Variants in CEACAM6 observed in about 807,000 individuals in gnomAD.
CEACAM6 encodes cell adhesion molecule CEACAM6.
In CEACAM6, 21 loss-of-function variants were observed where a neutral mutation model predicts 32.4. The ratio of observed to expected loss-of-function variants is 0.65; its 90% confidence interval spans 0.46 to 0.93. The LOEUF is 0.93. CEACAM6 is among the 40% of genes least tolerant of loss of function. The pLI, the probability that CEACAM6 is intolerant of heterozygous loss-of-function variation, is 0.00. For missense variants in CEACAM6, 406 were observed against 432.2 expected (o/e 0.94, Z 0.54); for synonymous variants, 184 against 174.4 (o/e 1.06, Z -0.43).
intron 4 of CEACAM6, among the ~76,000 whole-genome samples, chr19:41,763,835 G>T (rs1228541345): frequency 6.6e-6 from 1 of 152,206 alleles, no homozygotes; most frequent in Admixed American, 6.5e-5. Context: ...CTCCAACCCT[G>T]TAGAGTTTTC....
At chr19:41,761,114 GAC>G (rs1266518437) in intron 2 of CEACAM6, 133 bp from the exon 3 acceptor site, 8 of 1,519,066 alleles carry the variant, frequency 5.3e-6, no homozygotes, top group Admixed American at 3.9e-5. Context: ...TCTGTTGTGT[GAC>G]ACACACACCT....
At chr19:41,760,857 AG>A (rs35583854) in intron 2 of CEACAM6, among the ~76,000 whole-genome samples, 1 of 152,120 alleles carries the variant, frequency 6.6e-6, no homozygotes, top group South Asian at 2.1e-4. Flanking sequence ...AAATACAGCT[AG>A]GGGGGCAAAG....
chr19:41,761,184 G>A, intron 2 of CEACAM6, 65 bp from the exon 3 acceptor site: 1 of 1,609,332 alleles, frequency 6.2e-7, no homozygotes, highest in Non-Finnish European at 8.5e-7. Flanking sequence ...AACTCTGATT[G>A]AAAGATGCCT....
intron 3 of CEACAM6, 126 bp from the exon 4 acceptor site, chr19:41,761,843 G>T (rs542004927): frequency 2.4e-6 from 3 of 1,247,740 alleles, no homozygotes; most frequent in Middle Eastern, 2.3e-4. Context: ...AGGGGACATA[G>T]CGGGGGTTTG....
chr19:41,768,519 A>G lies in CEACAM6; in HGVS notation c.*40+2220A>G, dbSNP rs530504776. On this transcript the variant is annotated intron_variant, in intron 5 of 5. Transcript: ENST00000199764. ...TACTTCTTTCTACACAGACACGGCAACCATCCGATTTCTCAATCTTTTCCC... is the reference window on the plus strand; with the variant it reads ...TACTTCTTTCTACACAGACACGGCAGCCATCCGATTTCTCAATCTTTTCCC... 4.4e-3 allele frequency among the ~76,000 whole-genome samples: 670 copies of G among 152,354 alleles called. 3 individuals are homozygous for G. Among genetic ancestry groups the G allele is most frequent in the African/African-American group, 0.015 (643 of 41,582 alleles).
At chr19:41,764,646 A>G (rs1319702816) in intron 4 of CEACAM6, among the ~76,000 whole-genome samples, 4 of 152,204 alleles carry the variant, frequency 2.6e-5, no homozygotes, top group Non-Finnish European at 5.9e-5. Context: ...TCAACCTAGT[A>G]AATGATTGTC....
Position 41,756,580 on chromosome 19 carries a change from T to C in CEACAM6, c.65-20T>C, listed in dbSNP as rs1171073780. On this transcript the variant is annotated intron_variant, in intron 1 of 5. Transcript: ENST00000199764. The stretch of plus-strand genomic sequence containing the variant: ...ATGCATAGGTCCCAATATTGACCGA[T>C]GCTCTCTCCTCTCTCCTAGCCTCAC... The C allele has an allele frequency of 2.5e-6, 4 of 1,607,332 alleles. No individual in the cohort carries two copies. Among genetic ancestry groups the C allele is most frequent in the Non-Finnish European group, 3.4e-6 (4 of 1,176,240 alleles).
At chr19:41,769,141 C>A (rs1265099823) in intron 5 of CEACAM6, among the ~76,000 whole-genome samples, 2 of 152,004 alleles carry the variant, frequency 1.3e-5, no homozygotes, top group African/African-American at 2.4e-5. Context: ...GACGGGGTTT[C>A]TCCATGGTGA....
chr19:41,762,374 CAG>C, intron 4 of CEACAM6, 151 bp downstream of exon 4: 1 of 868,700 alleles, frequency 1.2e-6, no homozygotes, highest in African/African-American at 1.7e-5. Flanking sequence ...TTCACCTCTG[CAG>C]ACTCTTTTCC....
In CEACAM6 at chr19:41,772,144, G is replaced by C. The variant is rs1267310673; in HGVS notation, c.*1383G>C. 6.6e-6 allele frequency: 1 copy of C among 152,192 alleles called. No individual in the cohort carries two copies. The highest frequency in any genetic ancestry group is 2.4e-5 in the African/African-American group (1 of 41,444). 9.4% of individuals were successfully genotyped at this position (152,192 alleles called of 1,614,324 possible). Reference sequence around the variant, plus strand: ...GTATTGCCCAGGGGGAGCTATCACTGTACTTGTAGAGTGGTGCTGCTTTAA... The same window carrying C: ...GTATTGCCCAGGGGGAGCTATCACTCTACTTGTAGAGTGGTGCTGCTTTAA... On this transcript the variant is annotated 3_prime_UTR_variant, in exon 6 of 6. Coordinates refer to ENST00000199764, the MANE Select transcript of CEACAM6 (RefSeq NM_002483.7).
At chr19:41,761,585 A>G in intron 3 of CEACAM6, 58 bp downstream of exon 3, 1 of 1,599,372 alleles carries the variant, frequency 6.3e-7, no homozygotes, top group Non-Finnish European at 8.5e-7. Context: ...ACACAGCCAG[A>G]GTCCAGGTCT....
intron 5 of CEACAM6, among the ~76,000 whole-genome samples, chr19:41,769,707 T>C (rs1046334706): frequency 1.8e-4 from 25 of 141,096 alleles, no homozygotes; most frequent in African/African-American, 6.1e-4. Flanking sequence ...ATATCGTTAT[T>C]TGCACAAAAA....
chr19:41,769,293 A>G (rs1404203990), intron 5 of CEACAM6, among the ~76,000 whole-genome samples: 1 of 152,210 alleles, frequency 6.6e-6, no homozygotes, highest in Non-Finnish European at 1.5e-5. Flanking sequence ...GCAATCAGCT[A>G]CCATCCAAAA....
chr19:41,770,598 A>G (rs1261471491), intron 5 of CEACAM6, among the ~76,000 whole-genome samples: 2 of 152,056 alleles, frequency 1.3e-5, no homozygotes, highest in East Asian at 3.8e-4. Context: ...GTCACCTGCT[A>G]CTCTTGTTGC....
In CEACAM6 at chr19:41,756,800, G is replaced by A. The variant is rs2072889909; in HGVS notation, c.265G>A (p.Ala89Thr). ...IVGYVIGTQQ[A>T]TPGPAYSGRE... ...AGGATATGTAATAGGAACTCAACAA[G>A]CTACCCCAGGGCCCGCATACAGTGG... The change falls in exon 2 of 6, where the codon GCT becomes ACT. Residue 89 changes from alanine (A) to threonine (T), a missense_variant. By Grantham distance (58) the Ala-to-Thr change is moderately conservative (BLOSUM62 0). Transcript: ENST00000199764. 6.2e-7 allele frequency: 1 copy of A among 1,614,078 alleles called. No homozygotes were observed. The highest frequency in any genetic ancestry group is 1.1e-5 in the South Asian group (1 of 91,084).
In CEACAM6 at chr19:41,762,103, T is replaced by C; in HGVS notation, c.838T>C (p.Ser280Pro). 6.2e-7 allele frequency: 1 copy of C among 1,614,162 alleles called. No homozygotes were observed. Among genetic ancestry groups the C allele is most frequent in the Non-Finnish European group, 8.5e-7 (1 of 1,180,024 alleles). Residue 280 changes from serine to proline, a missense_variant, in exon 4 of 6, where the codon TCC becomes CCC. Coordinates refer to ENST00000199764, the MANE Select transcript of CEACAM6 (RefSeq NM_002483.7). The part of the protein sequence containing the change: ...SWFINGTFQQ[S>P]TQELFIPNIT... ...GTTTATCAATGGGACGTTCCAGCAA[T>C]CCACACAAGAGCTCTTTATCCCCAA... is the stretch of plus-strand genomic sequence containing the variant.
chr19:41,756,575 A>G (rs1036782275), intron 1 of CEACAM6, 25 bp from the exon 2 acceptor site: 1 of 1,604,460 alleles, frequency 6.2e-7, no homozygotes, highest in Non-Finnish European at 8.5e-7. Flanking sequence ...CCCAATATTG[A>G]CCGATGCTCT....
chr19:41,755,536 G>A lies in CEACAM6; in HGVS notation c.-103G>A. The stretch of plus-strand genomic sequence containing the variant: ...CCCTGAGAGGAGGCTCAGCACAGAA[G>A]GAGGAAGGACAGCAGGGCCAACAGT... On this transcript the variant is annotated 5_prime_UTR_variant, in exon 1 of 6. Coordinates refer to ENST00000199764, the MANE Select transcript of CEACAM6 (RefSeq NM_002483.7). 9.1e-7 allele frequency: 1 copy of A among 1,097,894 alleles called. No individual in the cohort carries two copies. Among genetic ancestry groups the A allele is most frequent in the East Asian group, 2.5e-5 (1 of 40,508 alleles). The allele number at this position is 1,097,894 out of a possible 1,614,324, so 68.0% of individuals were successfully genotyped here.
chr19:41,757,092 G>A, intron 2 of CEACAM6, 133 bp downstream of exon 2: 1 of 1,436,278 alleles, frequency 7.0e-7, no homozygotes, highest in South Asian at 1.4e-5. Flanking sequence ...ATTTAGTGCA[G>A]GACACACACG....
Sources: gnomAD v4.1 joint callset for allele counts (sites outside exome capture counted in the v4.1 genomes callset) on GRCh38, gnomAD v4.1.1 for gene constraint, MANE v1.5 for transcripts, NCBI Gene and HGNC (gene_info 2026-07-23, HGNC 2026-07-21) for gene names.